Variants in RCOR1 observed in about 807,000 individuals in gnomAD.
RCOR1 encodes the protein REST corepressor 1, also known as REST corepressor.
RCOR1 carries 12 observed loss-of-function variants against 64.0 expected under a neutral mutation model. That is an observed-to-expected ratio of 0.19 (90% CI 0.12 to 0.30). The LOEUF (loss-of-function observed/expected upper bound fraction) is 0.30. RCOR1 is among the 10% of genes least tolerant of loss of function. RCOR1 has a pLI of 1.00. For missense variants in RCOR1, 502 were observed against 621.2 expected (o/e 0.81, Z 2.04); for synonymous variants, 279 against 227.2 (o/e 1.23, Z -2.05).
At chr14:102,601,000 G>A (rs1225012849) in intron 2 of RCOR1, among the ~76,000 whole-genome samples, 1 of 151,550 alleles carries the variant, frequency 6.6e-6, no homozygotes, top group African/African-American at 2.4e-5. Context: ...GACCAACCTG[G>A]CCAACATGAT....
chr14:102,614,350 G>A (rs1246280735), intron 2 of RCOR1, among the ~76,000 whole-genome samples: 3 of 148,852 alleles, frequency 2.0e-5, no homozygotes, highest in South Asian at 2.1e-4. Context: ...TCAGCCCCCC[G>A]AGTAGCTGGG....
intron 2 of RCOR1, among the ~76,000 whole-genome samples, chr14:102,637,225 C>G (rs976027881): frequency 2.0e-5 from 3 of 150,496 alleles, no homozygotes; most frequent in African/African-American, 7.3e-5. Flanking sequence ...CTCCTGTGTT[C>G]AAGCGATTCT....
intron 2 of RCOR1, chr14:102,651,051 T>G (rs1471576627): frequency 2.0e-6 from 2 of 982,244 alleles, no homozygotes; most frequent in Non-Finnish European, 2.4e-6. Context: ...TAGCAGCTAA[T>G]AAAACTAACA....
At chr14:102,667,398 G>A (rs999890563) in intron 2 of RCOR1, among the ~76,000 whole-genome samples, 5 of 152,054 alleles carry the variant, frequency 3.3e-5, no homozygotes, top group African/African-American at 1.2e-4. Flanking sequence ...CTGCTCGGGA[G>A]GCTGAAGGAG....
intron 2 of RCOR1, among the ~76,000 whole-genome samples, chr14:102,596,048 A>C (rs1893235973): frequency 6.6e-6 from 1 of 152,036 alleles, no homozygotes; most frequent in South Asian, 2.1e-4. Context: ...CTTTTCATTT[A>C]ACTTAAAAGC....
chr14:102,729,068 G>C lies in RCOR1; in HGVS notation c.*2562G>C, dbSNP rs1896321827. On this transcript the variant is annotated 3_prime_UTR_variant, in exon 12 of 12. Coordinates refer to ENST00000262241, the MANE Select transcript of RCOR1 (RefSeq NM_015156.4). Reference sequence around the variant, plus strand: ...CAGATGGAATGTTCACTTAAGCTTTGTCTTCTTAAAAATTATCAATGTGAA... The same window carrying C: ...CAGATGGAATGTTCACTTAAGCTTTCTCTTCTTAAAAATTATCAATGTGAA... 6.6e-6 allele frequency: 1 copy of C among 152,664 alleles called. No individual in the cohort carries two copies. The highest frequency in any genetic ancestry group is 1.9e-4 in the East Asian group (1 of 5,194). 9.5% of individuals were successfully genotyped at this position (152,664 alleles called of 1,614,324 possible).
At chr14:102,690,466 C>CTG (rs1337323680) in intron 3 of RCOR1, among the ~76,000 whole-genome samples, 1 of 152,130 alleles carries the variant, frequency 6.6e-6, no homozygotes, top group African/African-American at 2.4e-5. Context: ...TGGTGCACAC[C>CTG]TGTAGTCCCA....
At chr14:102,603,582 G>C (rs1464242803) in intron 2 of RCOR1, among the ~76,000 whole-genome samples, 8 of 150,526 alleles carry the variant, frequency 5.3e-5, no homozygotes, top group African/African-American at 2.0e-4. Context: ...TCTTTTTTTT[G>C]CCACTCAGTT....
intron 6 of RCOR1, 59 bp downstream of exon 6, chr14:102,708,642 T>TTG: frequency 2.2e-6 from 2 of 921,588 alleles, no homozygotes; most frequent in Admixed American, 2.1e-5. Context: ...GAGCCCCAGA[T>TTG]ACACAAAGGC....
At chr14:102,681,723 T>A (rs557520903) in intron 2 of RCOR1, among the ~76,000 whole-genome samples, 172 bp from the exon 3 acceptor site, 1 of 152,342 alleles carries the variant, frequency 6.6e-6, no homozygotes, top group East Asian at 1.9e-4. Context: ...GTAGAAATGT[T>A]TCAGCAGACT....
At chr14:102,618,061 C>T (rs1893800989) in intron 2 of RCOR1, among the ~76,000 whole-genome samples, 1 of 150,028 alleles carries the variant, frequency 6.7e-6, no homozygotes, top group African/African-American at 2.5e-5. Context: ...GCAACCTCCG[C>T]TTCCTGGGTT....
chr14:102,726,676 T>G lies in RCOR1; in HGVS notation c.*170T>G. Reference sequence around the variant, plus strand: ...TCCATCTGCCTTAATTCTTTGCTCGTTCCTCCATGTTGGCGCCACTTCCCA... The same window carrying G: ...TCCATCTGCCTTAATTCTTTGCTCGGTCCTCCATGTTGGCGCCACTTCCCA... On this transcript the variant is annotated 3_prime_UTR_variant, in exon 12 of 12. Coordinates refer to ENST00000262241, the MANE Select transcript of RCOR1 (RefSeq NM_015156.4). 1.7e-6 allele frequency: 1 copy of G among 598,052 alleles called. No homozygotes were observed. Among genetic ancestry groups the G allele is most frequent in the East Asian group, 3.0e-5 (1 of 33,218 alleles). 37.0% of individuals were successfully genotyped at this position (598,052 alleles called of 1,614,324 possible).
intron 2 of RCOR1, among the ~76,000 whole-genome samples, chr14:102,599,701 A>C (rs1893344337): frequency 6.6e-6 from 1 of 151,790 alleles, no homozygotes; most frequent in Admixed American, 6.6e-5. Context: ...GGGTGTCTTG[A>C]TATGCCTTTC....
At position 102,696,819 on chromosome 14, in the gene RCOR1, T is replaced by TC. The variant is rs1895660969; in HGVS notation, c.446-4459_446-4458insC. 4.7e-5 allele frequency among the ~76,000 whole-genome samples: 7 copies of TC among 148,896 alleles called. No homozygotes were observed. In the South Asian group the frequency reaches 1.5e-3, roughly 31 times the overall value. ...AAGCATCTGCTTATCTTTTTTTTTT[T>TC]TTTTTTTTTTTTATAAGGGTAGCTG... is the stretch of plus-strand genomic sequence containing the variant. On this transcript the variant is annotated intron_variant, in intron 3 of 11. Coordinates refer to ENST00000262241, the MANE Select transcript of RCOR1 (RefSeq NM_015156.4).
chr14:102,670,368 T>C (rs1895007661), intron 2 of RCOR1, among the ~76,000 whole-genome samples: 1 of 152,212 alleles, frequency 6.6e-6, no homozygotes, highest in South Asian at 2.1e-4. Flanking sequence ...ATGACATCTA[T>C]AATGGGATAG....
intron 2 of RCOR1, among the ~76,000 whole-genome samples, chr14:102,598,052 C>T (rs1256522699): frequency 1.3e-5 from 2 of 152,288 alleles, no homozygotes; most frequent in Non-Finnish European, 1.5e-5. Flanking sequence ...GAACTCCCAA[C>T]CTCAGGTGAT....
chr14:102,596,089 T>C (rs1403630759), intron 2 of RCOR1, among the ~76,000 whole-genome samples: 1 of 151,974 alleles, frequency 6.6e-6, no homozygotes, highest in Non-Finnish European at 1.5e-5. Flanking sequence ...CATTTTGGAA[T>C]AGAAATGATA....
At chr14:102,600,150 G>T (rs932313452) in intron 2 of RCOR1, among the ~76,000 whole-genome samples, 1 of 152,004 alleles carries the variant, frequency 6.6e-6, no homozygotes, top group African/African-American at 2.4e-5. Context: ...GCAGTGGCGC[G>T]ATCTCAGCTC....
intron 3 of RCOR1, among the ~76,000 whole-genome samples, chr14:102,699,308 G>A (rs1361666186): frequency 2.0e-5 from 3 of 152,194 alleles, no homozygotes; most frequent in Non-Finnish European, 4.4e-5. Flanking sequence ...TAACCAGTTT[G>A]TAACTATTTT....
Sources: gnomAD v4.1 joint callset for allele counts (sites outside exome capture counted in the v4.1 genomes callset) on GRCh38, gnomAD v4.1.1 for gene constraint, MANE v1.5 for transcripts, NCBI Gene and HGNC (gene_info 2026-07-23, HGNC 2026-07-21) for gene names.